Variants in ANKRD36B observed in about 807,000 individuals in gnomAD.
ANKRD36B encodes the protein ankyrin repeat domain 36B, also known as ankyrin repeat domain-containing protein 36B.
A neutral mutation model predicts 135.7 loss-of-function variants in ANKRD36B; 37 were observed. That is an observed-to-expected ratio of 0.27 (90% CI 0.21 to 0.36). ANKRD36B has a LOEUF of 0.36. ANKRD36B is among the 10% of genes least tolerant of loss of function. ANKRD36B has a pLI of 1.00. For missense variants in ANKRD36B, 549 were observed against 1,037.1 expected (o/e 0.53, Z 6.46); for synonymous variants, 179 against 348.1 (o/e 0.51, Z 5.41).
chr2:97,541,086 G>C (rs1246684903), intron 28 of ANKRD36B, among the ~76,000 whole-genome samples: 1 of 96,612 alleles, frequency 1.0e-5, no homozygotes, highest in African/African-American at 3.1e-5. Flanking sequence ...AAATAGTCTT[G>C]TTGGGAGTAT....
At chr2:97,556,439 T>C (rs545073402) in intron 12 of ANKRD36B, among the ~76,000 whole-genome samples, 1 of 151,954 alleles carries the variant, frequency 6.6e-6, no homozygotes, top group Non-Finnish European at 1.5e-5. Context: ...ATTACAGAAA[T>C]AACTTCTTCC....
At chr2:97,588,350 C>T (rs2083172701) in intron 1 of ANKRD36B, among the ~76,000 whole-genome samples, 1 of 151,832 alleles carries the variant, frequency 6.6e-6, no homozygotes, top group Non-Finnish European at 1.5e-5. Flanking sequence ...TTCGCCATTA[C>T]TTGTAATTGC....
At chr2:97,573,487 C>T (rs2082022654) in intron 6 of ANKRD36B, among the ~76,000 whole-genome samples, 1 of 152,096 alleles carries the variant, frequency 6.6e-6, no homozygotes, top group Admixed American at 6.6e-5. Flanking sequence ...AGATTCAATG[C>T]CATCCCCATC....
intron 3 of ANKRD36B, among the ~76,000 whole-genome samples, chr2:97,581,354 G>C (rs1408666799): frequency 4.6e-5 from 7 of 151,916 alleles, no homozygotes; most frequent in African/African-American, 1.7e-4. Flanking sequence ...CTGAGCACCT[G>C]ACATTGTCAT....
intron 6 of ANKRD36B, among the ~76,000 whole-genome samples, chr2:97,574,745 T>C (rs563644557): frequency 6.6e-6 from 1 of 152,242 alleles, no homozygotes; most frequent in East Asian, 1.9e-4. Context: ...GAAGAACTTA[T>C]CAGGGATTTC....
At chr2:97,574,568 T>C (rs2082104929) in intron 6 of ANKRD36B, among the ~76,000 whole-genome samples, 3 of 152,200 alleles carry the variant, frequency 2.0e-5, no homozygotes, top group Admixed American at 1.3e-4. Context: ...TAAATCATGC[T>C]GCTATAAAGA....
Position 97,521,888 on chromosome 2 carries a change from G to C in ANKRD36B, c.2407+1438C>G, listed in dbSNP as rs533862540. On this transcript the variant is annotated intron_variant, in intron 36 of 43. Transcript: ENST00000359901. ...GATAACACATAAGCAACCAGCTTATGACTGACAAAGGCAGGATGGCAATGC... is the reference window on the plus strand; with the variant it reads ...GATAACACATAAGCAACCAGCTTATCACTGACAAAGGCAGGATGGCAATGC... Among the ~76,000 whole-genome samples the C allele has an allele frequency of 5.6e-5, 5 of 89,142 alleles. No individual in the cohort carries two copies. In the East Asian group the frequency reaches 1.2e-3, roughly 22 times the overall value. 58.5% of individuals were successfully genotyped at this position (89,142 alleles called of 152,430 possible).
chr2:97,556,329 G>A (rs1193421877), intron 12 of ANKRD36B, among the ~76,000 whole-genome samples: 1 of 151,840 alleles, frequency 6.6e-6, no homozygotes, highest in African/African-American at 2.4e-5. Context: ...CCTGATTCCG[G>A]TAGTCATCGG....
At chr2:97,576,514 AATT>A (rs1338918295) in intron 5 of ANKRD36B, 68 bp from the exon 6 acceptor site, 1 of 533,166 alleles carries the variant, frequency 1.9e-6, no homozygotes, top group African/African-American at 2.0e-5. Flanking sequence ...AAATATACTA[AATT>A]ATTAGAGTAT....
chr2:97,524,124 C>T (rs538138497), intron 35 of ANKRD36B: 1 of 92,516 alleles, frequency 1.1e-5, no homozygotes, highest in East Asian at 2.4e-4. Flanking sequence ...TTCTGGAACA[C>T]ATTCTGTATT....
At chr2:97,583,053 T>C (rs1263964147) in intron 3 of ANKRD36B, among the ~76,000 whole-genome samples, 1 of 151,254 alleles carries the variant, frequency 6.6e-6, no homozygotes, top group African/African-American at 2.4e-5. Context: ...GCTCTAATAA[T>C]GACCTATATG....
chr2:97,562,230 C>T (rs1158946518), intron 6 of ANKRD36B, among the ~76,000 whole-genome samples: 1 of 151,688 alleles, frequency 6.6e-6, no homozygotes, highest in South Asian at 2.1e-4. Context: ...AAATAACCAA[C>T]CAATATGACA....
intron 32 of ANKRD36B, among the ~76,000 whole-genome samples, chr2:97,537,062 A>AT (rs2078926545): frequency 1.0e-5 from 1 of 96,542 alleles, no homozygotes; most frequent in African/African-American, 3.1e-5. Flanking sequence ...AATATTCATT[A>AT]TTTATCATGC....
chr2:97,562,453 A>C (rs925515258), intron 6 of ANKRD36B, among the ~76,000 whole-genome samples: 2 of 152,002 alleles, frequency 1.3e-5, no homozygotes, highest in African/African-American at 4.8e-5. Flanking sequence ...ATGTGAACGA[A>C]GCATGTATCA....
intron 6 of ANKRD36B, among the ~76,000 whole-genome samples, chr2:97,567,601 T>C (rs2081541814): frequency 6.6e-6 from 1 of 152,194 alleles, no homozygotes; most frequent in African/African-American, 2.4e-5. Context: ...TTGGTGGTTT[T>C]ATTGACTGCA....
At chr2:97,558,645 C>A (rs1264160930) in intron 10 of ANKRD36B, among the ~76,000 whole-genome samples, 154 bp downstream of exon 10, 1 of 151,922 alleles carries the variant, frequency 6.6e-6, no homozygotes, top group African/African-American at 2.4e-5. Context: ...ATGTCGAAGA[C>A]CAGCAGCATC....
chr2:97,547,832 A>G, intron 20 of ANKRD36B, 101 bp from the exon 21 acceptor site: 1 of 1,476,824 alleles, frequency 6.8e-7, no homozygotes, highest in Non-Finnish European at 9.2e-7. Context: ...TCCTGCCTGT[A>G]TTAGCATAGG....
At chr2:97,547,489 T>C (rs764155937) in intron 22 of ANKRD36B, 47 bp downstream of exon 22, 3 of 1,513,210 alleles carry the variant, frequency 2.0e-6, no homozygotes, top group Non-Finnish European at 2.7e-6. Context: ...AGAGAATTTC[T>C]TATCTACCCG....
chr2:97,580,662 T>A (rs1376584329), intron 3 of ANKRD36B, 94 bp from the exon 4 acceptor site: 2 of 1,200,548 alleles, frequency 1.7e-6, no homozygotes, highest in Non-Finnish European at 2.3e-6. Context: ...CTTCAATATA[T>A]ACAATTGAAA....
Sources: allele counts gnomAD v4.1 joint callset (sites outside exome capture counted in the v4.1 genomes callset), GRCh38; gene constraint gnomAD v4.1.1; transcripts MANE v1.5; gene names NCBI Gene and HGNC (gene_info 2026-07-23, HGNC 2026-07-21).